The following DUSP19 variants were observed in gnomAD, a reference collection of about 807,000 sequenced individuals.
The protein encoded by DUSP19 is dual specificity phosphatase 19, also known as dual specificity protein phosphatase 19.
Under a neutral mutation model 16.6 loss-of-function variants are expected in DUSP19, and 14 were observed. The observed-to-expected ratio is 0.84, with a 90% CI of 0.56 to 1.32. The LOEUF (loss-of-function observed/expected upper bound fraction) is 1.32. Among genes scored for constraint, DUSP19 ranks in the 40% most tolerant of loss-of-function variants. DUSP19 has a pLI of 0.00. For missense variants in DUSP19, 258 were observed against 255.9 expected, an observed-to-expected ratio of 1.01 and a Z score of -0.06; for synonymous variants, 81 against 90.5, an observed-to-expected ratio of 0.90 and a Z score of 0.59.
rs1370559383 is a variant in DUSP19 at position 183,095,684 on chromosome 2, AC to A, written c.*27del. ...GTTGCATTGTAGCAGACAATGGACAACTGTAGTTTCTGAATTGACTTCTATA... is the reference window on the plus strand; with the variant it reads ...GTTGCATTGTAGCAGACAATGGACAATGTAGTTTCTGAATTGACTTCTATA... On this transcript the variant is annotated 3_prime_UTR_variant, in exon 4 of 4. Transcript: ENST00000354221. 1.3e-6 allele frequency: 2 copies of A among 1,557,024 alleles called. No individual in the cohort carries two copies. The highest frequency in any genetic ancestry group is 1.8e-6 in the Non-Finnish European group (2 of 1,136,746).
rs758280674 is a variant in DUSP19 at position 183,097,390 on chromosome 2, TA to T, written c.*1736del. The T allele has an allele frequency of 3.3e-5, 5 of 152,190 alleles. No homozygotes were observed. Among genetic ancestry groups the T allele is most frequent in the Non-Finnish European group, 5.9e-5 (4 of 68,040 alleles). 9.4% of individuals were successfully genotyped at this position (152,190 alleles called of 1,614,324 possible). ...ATCATTGCCATGTAGGTTTTATTTT[TA>T]AAAGTCTTGAGCTCTTCTTAAATAT... On this transcript the variant is annotated 3_prime_UTR_variant, in exon 4 of 4. Transcript: ENST00000354221.
intron 1 of DUSP19, 71 bp from the exon 2 acceptor site, chr2:183,083,437 C>G: frequency 7.3e-7 from 1 of 1,363,800 alleles, no homozygotes; most frequent in South Asian, 1.5e-5. Flanking sequence ...AACAGAATTG[C>G]TGTAGAAATT....
At chr2:183,086,442 G>T (rs554177332) in intron 2 of DUSP19, among the ~76,000 whole-genome samples, 1 of 152,040 alleles carries the variant, frequency 6.6e-6, no homozygotes, top group African/African-American at 2.4e-5. Context: ...CCCTCATGGA[G>T]TTTCTAGTGC....
chr2:183,090,482 T>A (rs902490822), intron 3 of DUSP19, among the ~76,000 whole-genome samples: 9 of 152,230 alleles, frequency 5.9e-5, no homozygotes, highest in Admixed American at 1.3e-4. Context: ...TATAACAATG[T>A]GTATTTGATA....
intron 3 of DUSP19, among the ~76,000 whole-genome samples, chr2:183,091,263 G>T (rs1699728767): frequency 6.6e-6 from 1 of 152,100 alleles, no homozygotes; most frequent in Non-Finnish European, 1.5e-5. Flanking sequence ...TCTGTTACAA[G>T]TAGAGGGTCA....
intron 3 of DUSP19, among the ~76,000 whole-genome samples, chr2:183,093,191 A>G (rs1699754843): frequency 6.6e-6 from 1 of 152,220 alleles, no homozygotes; most frequent in Non-Finnish European, 1.5e-5. Context: ...AATGGAAATA[A>G]CATAGCATAA....
chr2:183,079,693 TATG>T (rs1271343934), intron 1 of DUSP19, among the ~76,000 whole-genome samples: 1 of 152,172 alleles, frequency 6.6e-6, no homozygotes, highest in African/African-American at 2.4e-5. Context: ...CTTAAGATCT[TATG>T]ATTTATTTCG....
chr2:183,085,856 T>TTG (rs1699653831), intron 2 of DUSP19, among the ~76,000 whole-genome samples: 2 of 93,536 alleles, frequency 2.1e-5, no homozygotes, highest in Admixed American at 1.1e-4. Flanking sequence ...GGTTTTTTTT[T>TTG]TTTTTTTTTT....
chr2:183,082,598 AT>A (rs1699606686), intron 1 of DUSP19, among the ~76,000 whole-genome samples: 1 of 151,262 alleles, frequency 6.6e-6, no homozygotes, highest in Admixed American at 6.6e-5. Context: ...TAATTTTTGT[AT>A]TTTTAGTAGA....
chr2:183,082,675 C>T (rs1407079099), intron 1 of DUSP19, among the ~76,000 whole-genome samples: 2 of 152,100 alleles, frequency 1.3e-5, no homozygotes, highest in Non-Finnish European at 2.9e-5. Context: ...CCACCCACCT[C>T]AGCCTCCCAA....
Position 183,078,777 on chromosome 2 carries a change from A to G in DUSP19, c.-157A>G. The G allele has an allele frequency of 1.6e-6, 1 of 644,380 alleles. No individual in the cohort carries two copies. The highest frequency in any genetic ancestry group is 2.0e-5 in the South Asian group (1 of 50,910). The allele number at this position is 644,380 out of a possible 1,614,324, so 39.9% of individuals were successfully genotyped here. ...GCATCGCTGGGATAAACGGAGCTGG[A>G]CGACTCAGTCTCTTGGTCTGTGGCT... On this transcript the variant is annotated 5_prime_UTR_variant, in exon 1 of 4. Transcript: ENST00000354221.
Position 183,099,231 on chromosome 2 carries a change from A to G in DUSP19, c.*3573A>G, listed in dbSNP as rs548166628. The G allele has an allele frequency of 4.3e-4, 65 of 152,338 alleles. No individual in the cohort carries two copies. Among genetic ancestry groups the G allele is most frequent in the African/African-American group, 1.5e-3 (63 of 41,586 alleles). 9.4% of individuals were successfully genotyped at this position (152,338 alleles called of 1,614,324 possible). ...AATCAGAATATCATCTTATAATCTT[A>G]CAGAGTTAACCTAATGAGTCAATAC... On this transcript the variant is annotated 3_prime_UTR_variant, in exon 4 of 4. Coordinates refer to ENST00000354221, the MANE Select transcript of DUSP19 (RefSeq NM_080876.4).
At chr2:183,085,785 A>AGCACATCC (rs1168182063) in intron 2 of DUSP19, among the ~76,000 whole-genome samples, 2 of 144,970 alleles carry the variant, frequency 1.4e-5, no homozygotes, top group Non-Finnish European at 3.0e-5. Flanking sequence ...AAGATGCACG[A>AGCACATCC]GCACATCCTT....
At chr2:183,082,195 GT>G (rs1365056252) in intron 1 of DUSP19, among the ~76,000 whole-genome samples, 1 of 152,022 alleles carries the variant, frequency 6.6e-6, no homozygotes, top group Non-Finnish European at 1.5e-5. Flanking sequence ...TGTGGTTTTT[GT>G]AATATCCTTT....
rs1559133217 is a variant in DUSP19, at chr2:183,099,304, A to T, written c.*3646A>T. The stretch of plus-strand genomic sequence containing the variant: ...AATTTAAAAACAACAGAAATGTGGC[A>T]TGATTACTTATTTATTTGTTCCAGG... On this transcript the variant is annotated 3_prime_UTR_variant, in exon 4 of 4. Coordinates refer to ENST00000354221, the MANE Select transcript of DUSP19 (RefSeq NM_080876.4). 1 of 152,192 alleles carries T rather than the reference A, an allele frequency of 6.6e-6. No individual in the cohort carries two copies. Among genetic ancestry groups the T allele is most frequent in the Non-Finnish European group, 1.5e-5 (1 of 68,010 alleles). 9.4% of individuals were successfully genotyped at this position (152,192 alleles called of 1,614,324 possible). A position where few individuals can be genotyped will look rare whatever the true frequency, so the allele number is the denominator to read the frequency against.
rs762459257 is a variant in DUSP19, at chr2:183,079,047, C to T, written c.114C>T (p.Ala38=). ...AAATTATAGAAACATGGAAAGATGC[C>T]AGAATTCATGTTGTGGAAGAAGTAG... ...GKKIIETWKD[A]RIHVVEEVEP... Residue 38 remains alanine (A), a synonymous_variant, in exon 1 of 4, where the codon GCC becomes GCT. Transcript: ENST00000354221. 2 of 1,614,078 alleles carry T rather than the reference C, an allele frequency of 1.2e-6. No homozygotes were observed.
rs1476797864 is a variant in DUSP19, at chr2:183,090,524, T to G, written c.426+3332T>G. Among the ~76,000 whole-genome samples, 5 of 152,258 alleles carry G rather than the reference T, an allele frequency of 3.3e-5. No individual in the cohort carries two copies. The East Asian group carries it at 9.6e-4, about 29-fold the overall frequency. Reference sequence around the variant, plus strand: ...GTTCATTGTTTATAAGATGTGATTTTAAAAACATGACGTAAGTAGTCCATG... The same window carrying G: ...GTTCATTGTTTATAAGATGTGATTTGAAAAACATGACGTAAGTAGTCCATG... On this transcript the variant is annotated intron_variant, in intron 3 of 3. Transcript: ENST00000354221.
chr2:183,088,102 T>C (rs1047315185), intron 3 of DUSP19, among the ~76,000 whole-genome samples: 1 of 152,228 alleles, frequency 6.6e-6, no homozygotes, highest in African/African-American at 2.4e-5. Context: ...CATAAGATTA[T>C]AATAATGTAT....
At chr2:183,085,020 C>A (rs1026429330) in intron 2 of DUSP19, among the ~76,000 whole-genome samples, 2 of 152,058 alleles carry the variant, frequency 1.3e-5, no homozygotes, top group South Asian at 4.2e-4. Flanking sequence ...TTGAAAGCAA[C>A]GTAGAAGGAA....
Sources: allele counts gnomAD v4.1 joint callset (sites outside exome capture counted in the v4.1 genomes callset), GRCh38; gene constraint gnomAD v4.1.1; transcripts MANE v1.5; gene names NCBI Gene and HGNC (gene_info 2026-07-23, HGNC 2026-07-21).